The following MAPK14 variants were observed in gnomAD, a reference collection of about 807,000 sequenced individuals.
MAPK14 encodes the protein mitogen-activated protein kinase 14, also known as CSAID-binding protein.
A neutral mutation model predicts 49.6 loss-of-function variants in MAPK14; 16 were observed. The observed-to-expected ratio is 0.32, with a 90% confidence interval of 0.22 to 0.49. The LOEUF (loss-of-function observed/expected upper bound fraction) is 0.49. MAPK14 is among the 20% of genes least tolerant of loss of function. The pLI is 0.99. For synonymous variants in MAPK14, 142 were observed against 158.0 expected (o/e 0.90, Z 0.76); for missense variants, 200 against 441.2 (o/e 0.45, Z 4.90).
chr6:36,112,158 A>G (rs908949140), downstream of MAPK14, among the ~76,000 whole-genome samples: 2 of 151,990 alleles, frequency 1.3e-5, no homozygotes, highest in African/African-American at 4.8e-5. Context: ...GTGAGCCAAG[A>G]TCATGCCACT....
At chr6:36,037,982 T>C (rs1762815826) in intron 1 of MAPK14, among the ~76,000 whole-genome samples, 1 of 151,782 alleles carries the variant, frequency 6.6e-6, no homozygotes, top group Admixed American at 6.6e-5. Context: ...TACTCCAGCT[T>C]GGGTGACAGA....
the MAPK14 span, among the ~76,000 whole-genome samples, chr6:36,116,786 C>T: frequency 6.6e-6 from 1 of 152,166 alleles, no homozygotes; most frequent in Admixed American, 6.5e-5. Flanking sequence ...CTTCCCCCTA[C>T]TTTCCTTACC....
chr6:36,101,934 T>C (rs1222120112), intron 9 of MAPK14, among the ~76,000 whole-genome samples: 2 of 152,238 alleles, frequency 1.3e-5, no homozygotes, highest in African/African-American at 4.8e-5. Context: ...CAGCAGACTT[T>C]GCTTCTGAAG....
intron 8 of MAPK14, among the ~76,000 whole-genome samples, chr6:36,085,724 C>CT (rs1764955736): frequency 1.3e-5 from 2 of 152,236 alleles, no homozygotes; most frequent in East Asian, 3.9e-4. Context: ...TAGTGTGAGA[C>CT]TTTAATACCC....
At chr6:36,042,325 T>G (rs957632040) in intron 1 of MAPK14, among the ~76,000 whole-genome samples, 2 of 152,036 alleles carry the variant, frequency 1.3e-5, no homozygotes, top group Non-Finnish European at 2.9e-5. Context: ...CTTGGTGGAG[T>G]GTAAAGAATG....
intron 10 of MAPK14, among the ~76,000 whole-genome samples, chr6:36,106,368 TTAGAAGTAAGAAGATTATTC>T (rs11270700): frequency 0.72 from 108,990 of 151,798 alleles, 39,814 homozygotes; most frequent in South Asian, 0.87. Context: ...AGAACAGGGC[TTAGAAGTAAGAAGATTATTC>T]TAGACTAAGA....
chr6:36,059,227 C>A, intron 2 of MAPK14, 62 bp from the exon 3 acceptor site: 1 of 1,035,060 alleles, frequency 9.7e-7, no homozygotes. Context: ...AGATTAAGAC[C>A]TGATGGGTAC....
rs1765841787 is a variant in MAPK14, at chr6:36,107,753, A to G, written c.1015+125A>G. 1.7e-6 allele frequency: 1 copy of G among 576,382 alleles called. No homozygotes were observed. Among genetic ancestry groups the G allele is most frequent in the East Asian group, 3.1e-5 (1 of 32,294 alleles). The allele number at this position is 576,382 out of a possible 1,614,324, so 35.7% of individuals were successfully genotyped here. A position where few individuals can be genotyped will look rare whatever the true frequency, so the allele number is the denominator to read the frequency against. Reference sequence around the variant, plus strand: ...ATGAGGTCTCTAATGCAGAATGAATATGTTCTCTGGTGGAAACTGTTGTAG... The same window carrying G: ...ATGAGGTCTCTAATGCAGAATGAATGTGTTCTCTGGTGGAAACTGTTGTAG... On this transcript the variant is annotated intron_variant, in intron 11 of 11. Coordinates refer to ENST00000229794, the MANE Select transcript of MAPK14 (RefSeq NM_139012.3). The surrounding 1 kb of genome is among the most constrained non-coding windows in gnomAD (Gnocchi z 4.3).
chr6:36,116,261 G>A, the MAPK14 span, among the ~76,000 whole-genome samples: 1 of 152,110 alleles, frequency 6.6e-6, no homozygotes, highest in Non-Finnish European at 1.5e-5. Context: ...CAGATACCAT[G>A]GCTGACTGCT....
At chr6:36,120,745 GTCA>G in the MAPK14 span, among the ~76,000 whole-genome samples, 1 of 152,170 alleles carries the variant, frequency 6.6e-6, no homozygotes, top group Non-Finnish European at 1.5e-5. Flanking sequence ...CGACAGTGTT[GTCA>G]CTGTTTCCTG....
intron 1 of MAPK14, among the ~76,000 whole-genome samples, chr6:36,048,856 A>T (rs1211967697): frequency 6.6e-6 from 1 of 152,210 alleles, no homozygotes; most frequent in Non-Finnish European, 1.5e-5. Context: ...GGGAGTTTTC[A>T]ATATATAGAT....
At chr6:36,038,311 T>A (rs1184060026) in intron 1 of MAPK14, among the ~76,000 whole-genome samples, 1 of 152,176 alleles carries the variant, frequency 6.6e-6, no homozygotes, top group South Asian at 2.1e-4. Flanking sequence ...GTAAGGGCCC[T>A]GTGCTCCAGG....
chr6:36,118,403 G>A, the MAPK14 span, among the ~76,000 whole-genome samples: 1 of 152,206 alleles, frequency 6.6e-6, no homozygotes, highest in South Asian at 2.1e-4. Flanking sequence ...AAAGGCAGTG[G>A]TAAACAATGA....
chr6:36,078,192 T>C (rs946845404), intron 8 of MAPK14, among the ~76,000 whole-genome samples: 4 of 152,220 alleles, frequency 2.6e-5, no homozygotes, highest in Non-Finnish European at 5.9e-5. Context: ...AACCTCTATT[T>C]CTCTCAGTTT....
intron 3 of MAPK14, among the ~76,000 whole-genome samples, chr6:36,067,046 T>A (rs1341305807): frequency 1.3e-5 from 2 of 152,146 alleles, no homozygotes; most frequent in East Asian, 1.9e-4. Flanking sequence ...ATTTTTTTTT[T>A]ATCAGAGAGG....
In MAPK14 at chr6:36,028,256, C is replaced by T. The variant is rs1425777873; in HGVS notation, c.99C>T (p.Gly33=). The change falls in exon 1 of 12, where the codon GGC becomes GGT. Residue 33 remains glycine (G), a synonymous_variant. Transcript: ENST00000229794. The surrounding 1 kb of genome is among the most constrained non-coding windows in gnomAD (Gnocchi z 5.1). ...RYQNLSPVGS[G]AYGSVCAAFD... ...AGAACCTGTCTCCAGTGGGCTCTGGCGCCTATGGCTCTGTGTGGTGAGTGT... is the reference window on the plus strand; with the variant it reads ...AGAACCTGTCTCCAGTGGGCTCTGGTGCCTATGGCTCTGTGTGGTGAGTGT... 1.9e-6 allele frequency: 3 copies of T among 1,612,798 alleles called. No homozygotes were observed. The highest frequency in any genetic ancestry group is 1.3e-5 in the African/African-American group (1 of 74,896).
intron 10 of MAPK14, among the ~76,000 whole-genome samples, chr6:36,106,678 A>T (rs771688418): frequency 3.3e-5 from 5 of 152,180 alleles, no homozygotes; most frequent in Non-Finnish European, 5.9e-5. Context: ...CAGAAATATA[A>T]AAATGTTAAT....
chr6:36,082,325 C>T (rs1417051922), intron 8 of MAPK14, among the ~76,000 whole-genome samples: 11 of 152,222 alleles, frequency 7.2e-5, no homozygotes, highest in African/African-American at 2.7e-4. Context: ...GGAAAGCTTT[C>T]AGTCTCTTCC....
intron 8 of MAPK14, among the ~76,000 whole-genome samples, chr6:36,078,710 T>C (rs571689732): frequency 6.6e-6 from 1 of 152,362 alleles, no homozygotes; most frequent in East Asian, 1.9e-4. Context: ...TACTTGGCTC[T>C]TTTTCAGACA....
Sources: gnomAD v4.1 joint callset for allele counts (sites outside exome capture counted in the v4.1 genomes callset) on GRCh38, gnomAD v4.1.1 for gene constraint, Gnocchi (gnomAD v3.1) non-coding constraint, MANE v1.5 for transcripts, NCBI Gene and HGNC (gene_info 2026-07-23, HGNC 2026-07-21) for gene names.